Variants in FBXO31 observed in about 807,000 individuals in gnomAD.
FBXO31 encodes the protein F-box only protein 31.
Under a neutral mutation model 54.4 loss-of-function variants are expected in FBXO31, and 24 were observed. The ratio of observed to expected loss-of-function variants is 0.44; its 90% CI spans 0.32 to 0.62. FBXO31 has a LOEUF of 0.62. Among genes scored for constraint, FBXO31 ranks in the 20% least tolerant of loss-of-function variants. FBXO31 has a pLI of 0.05. For synonymous variants in FBXO31, 388 were observed against 335.6 expected (o/e 1.16, Z -1.71); for missense variants, 665 against 787.1 (o/e 0.84, Z 1.86).
In FBXO31 at chr16:87,374,010, C is replaced by G. The variant is rs1178025503; in HGVS notation, c.340+9395G>C. Among the ~76,000 whole-genome samples, 3 of 152,100 alleles carry G rather than the reference C, an allele frequency of 2.0e-5. No individual in the cohort carries two copies. In the South Asian group the frequency reaches 6.2e-4, roughly 32 times the overall value. The stretch of plus-strand genomic sequence containing the variant: ...TGTAATGCACTTTGGGAGACCAAGG[C>G]AGGAGGTTCCCTTGAGGCCAGGACT... On this transcript the variant is annotated intron_variant, in intron 1 of 8. Transcript: ENST00000311635.
chr16:87,386,204 A>G (rs960767683), upstream of FBXO31: 1 of 152,162 alleles, frequency 6.6e-6, no homozygotes, highest in Non-Finnish European at 1.5e-5. Context: ...GTCTGAGCAG[A>G]AGCTGAAAAT....
intron 1 of FBXO31, among the ~76,000 whole-genome samples, chr16:87,361,288 G>T (rs984636795): frequency 2.6e-5 from 4 of 152,228 alleles, no homozygotes; most frequent in Admixed American, 2.0e-4. Context: ...GTGCAGAGAG[G>T]TGACATGACT....
intron 8 of FBXO31, among the ~76,000 whole-genome samples, chr16:87,333,490 G>A (rs1036139948): frequency 6.6e-6 from 1 of 152,184 alleles, no homozygotes; most frequent in South Asian, 2.1e-4. Flanking sequence ...GTGGGGAAGG[G>A]GCCTTGTTCA....
rs1031091236 is a variant in FBXO31 at position 87,365,038 on chromosome 16, T to TATATATATATATATATA, written c.341-4673_341-4672insTATATATATATATATAT. Among the ~76,000 whole-genome samples, 15 of 110,798 alleles carry TATATATATATATATATA rather than the reference T, an allele frequency of 1.4e-4. 1 individual carries two copies. The highest frequency in any genetic ancestry group is 5.1e-4 in the African/African-American group (15 of 29,276). The allele number at this position is 110,798 out of a possible 152,430, so 72.7% of individuals were successfully genotyped here. ...ATATATATATATATATATATATATA[T>TATATATATATATATATA]ATCAGGCAGGCCACCCAATAATTAC... On this transcript the variant is annotated intron_variant, in intron 1 of 8. Transcript: ENST00000311635.
rs1157668820 is a variant in FBXO31 at position 87,336,311 on chromosome 16, T to TGAAGAGGCTGC, written c.733-58_733-48dup. ...TGAATATCCATATGACAGGAGGCTG[T>TGAAGAGGCTGC]GAAGAGGCTGCCGGCTGTGCCGCTG... is the stretch of plus-strand genomic sequence containing the variant. On this transcript the variant is annotated intron_variant, in intron 5 of 8. Transcript: ENST00000311635. This position sits in a 1 kb window ranked among gnomAD's most constrained non-coding sequence, Gnocchi z 6.5. 1 of 1,561,954 alleles carries TGAAGAGGCTGC rather than the reference T, an allele frequency of 6.4e-7. No individual in the cohort carries two copies. The highest frequency in any genetic ancestry group is 8.8e-7 in the Non-Finnish European group (1 of 1,135,792).
chr16:87,378,812 T>A (rs1371748216), intron 1 of FBXO31, among the ~76,000 whole-genome samples: 1 of 151,320 alleles, frequency 6.6e-6, no homozygotes, highest in Non-Finnish European at 1.5e-5. Flanking sequence ...AGACAAAAAA[T>A]TTAGCAGGGC....
chr16:87,337,110 A>G (rs1905064277), intron 5 of FBXO31, among the ~76,000 whole-genome samples: 1 of 152,228 alleles, frequency 6.6e-6, no homozygotes, highest in Non-Finnish European at 1.5e-5. Flanking sequence ...GCAGGACCAC[A>G]TGGTCAACAC....
At position 87,365,525 on chromosome 16, in the gene FBXO31, G is replaced by C. The variant is rs562643754; in HGVS notation, c.341-5159C>G. 9.3e-4 allele frequency among the ~76,000 whole-genome samples: 141 copies of C among 152,282 alleles called. 1 individual carries two copies. The highest frequency in any genetic ancestry group is 1.7e-3 in the Non-Finnish European group (119 of 68,022). On this transcript the variant is annotated intron_variant, in intron 1 of 8. Coordinates refer to ENST00000311635, the MANE Select transcript of FBXO31 (RefSeq NM_024735.5). ...CAGGGACCTGCAGCATGGCCTCCTT[G>C]GGAGCTCGGCAGGGAGTCCCAGGCA...
chr16:87,336,317 G>C lies in FBXO31; in HGVS notation c.733-53C>G, dbSNP rs1004308039. On this transcript the variant is annotated intron_variant, in intron 5 of 8. Coordinates refer to ENST00000311635, the MANE Select transcript of FBXO31 (RefSeq NM_024735.5). This position sits in a 1 kb window ranked among gnomAD's most constrained non-coding sequence, Gnocchi z 6.5. ...TCCATATGACAGGAGGCTGTGAAGA[G>C]GCTGCCGGCTGTGCCGCTGAGAGGA... 8 of 1,530,502 alleles carry C rather than the reference G, an allele frequency of 5.2e-6. No individual in the cohort carries two copies. Among genetic ancestry groups the C allele is most frequent in the Non-Finnish European group, 7.2e-6 (8 of 1,108,130 alleles). 94.8% of individuals were successfully genotyped at this position (1,530,502 alleles called of 1,614,324 possible).
At chr16:87,357,424 G>A (rs1345855391) in intron 2 of FBXO31, among the ~76,000 whole-genome samples, 1 of 151,116 alleles carries the variant, frequency 6.6e-6, no homozygotes, top group African/African-American at 2.4e-5. Flanking sequence ...TCACCTCCCG[G>A]GTTCAAGCGA....
chr16:87,347,082 T>G (rs1331930227), intron 3 of FBXO31, 92 bp downstream of exon 3: 9 of 1,165,390 alleles, frequency 7.7e-6, no homozygotes, highest in South Asian at 6.1e-5. Flanking sequence ...CTGGGCCAGC[T>G]TGTACCCAGG....
At position 87,383,376 on chromosome 16, in the gene FBXO31, TCCCGGCCCCG is replaced by T; in HGVS notation, c.340+19_340+28del. 1 of 883,794 alleles carries T rather than the reference TCCCGGCCCCG, an allele frequency of 1.1e-6. No homozygotes were observed. Among genetic ancestry groups the T allele is most frequent in the Admixed American group, 3.2e-5 (1 of 30,776 alleles). The allele number at this position is 883,794 out of a possible 1,614,324, so 54.7% of individuals were successfully genotyped here. On this transcript the variant is annotated intron_variant, in intron 1 of 8. Transcript: ENST00000311635. This position sits in a 1 kb window ranked among gnomAD's most constrained non-coding sequence, Gnocchi z 4.9. ...CCACCTGGCAGGGACCCCCCGCCCC[TCCCGGCCCCG>T]CCACCCCCGCGCGCTCACCCTCACG...
Position 87,334,188 on chromosome 16 carries a change from C to T in FBXO31, c.1095G>A (p.Glu365=). ...GCACCTCCAGGACGATGCGGGAGAG[C>T]TCATTGAAGTTGCGCTGGTTCTCGA... is the stretch of plus-strand genomic sequence containing the variant. ...PDLENQRNFN[E]LSRIVLEVRE... The change falls in exon 8 of 9, where the codon GAG becomes GAA. Residue 365 remains glutamate (E), a synonymous_variant. Transcript: ENST00000311635. 1 of 1,612,838 alleles carries T rather than the reference C, an allele frequency of 6.2e-7. No homozygotes were observed. Among genetic ancestry groups the T allele is most frequent in the Non-Finnish European group, 8.5e-7 (1 of 1,179,726 alleles).
intron 1 of FBXO31, among the ~76,000 whole-genome samples, chr16:87,382,503 T>C (rs1296682288): frequency 1.3e-5 from 2 of 152,174 alleles, no homozygotes; most frequent in Non-Finnish European, 2.9e-5. Context: ...AAACATCTCC[T>C]CCTGTGATCT....
intron 5 of FBXO31, 31 bp downstream of exon 5, chr16:87,342,846 A>G (rs199865279): frequency 2.5e-6 from 4 of 1,575,382 alleles, no homozygotes; most frequent in Admixed American, 3.7e-5. Context: ...GGTCCGCACC[A>G]TATGAACACA....
intron 1 of FBXO31, chr16:87,362,736 T>A (rs1376310138): frequency 6.6e-6 from 1 of 152,234 alleles, no homozygotes; most frequent in Non-Finnish European, 1.5e-5. Flanking sequence ...AATTTTTGTA[T>A]TTTTAGTAGA....
upstream of FBXO31, chr16:87,383,865 G>A (rs1249017110): frequency 4.1e-6 from 3 of 733,824 alleles, no homozygotes; most frequent in African/African-American, 3.8e-5. The surrounding 1 kb of genome is among the most constrained non-coding windows in gnomAD (Gnocchi z 4.9). Context: ...GCCTAGCCCC[G>A]CCCCTACGTA....
At chr16:87,343,862 T>G in intron 3 of FBXO31, 97 bp from the exon 4 acceptor site, 1 of 1,352,352 alleles carries the variant, frequency 7.4e-7, no homozygotes, top group Non-Finnish European at 1.0e-6. Context: ...ACAGAGAAGC[T>G]CCTGCCAGAC....
intron 1 of FBXO31, among the ~76,000 whole-genome samples, chr16:87,382,743 C>G (rs1907137784): frequency 6.6e-6 from 1 of 152,194 alleles, no homozygotes; most frequent in African/African-American, 2.4e-5. Flanking sequence ...AGCCATTCTT[C>G]TGCCTCACCC....
Sources: allele counts gnomAD v4.1 joint callset (sites outside exome capture counted in the v4.1 genomes callset), GRCh38; gene constraint gnomAD v4.1.1; non-coding constraint Gnocchi (gnomAD v3.1); transcripts MANE v1.5; gene names NCBI Gene and HGNC (gene_info 2026-07-23, HGNC 2026-07-21).